The following SPAG16 variants were observed in gnomAD, a reference collection of about 807,000 sequenced individuals.
The protein encoded by SPAG16 is sperm-associated antigen 16 protein.
In SPAG16, 86 loss-of-function variants were observed where a neutral mutation model predicts 80.4. That is an observed-to-expected ratio of 1.07 (90% CI 0.90 to 1.28). SPAG16 has a LOEUF of 1.28. Among genes scored for constraint, SPAG16 ranks in the 50% most tolerant of loss-of-function variants. The pLI, the probability that SPAG16 is intolerant of heterozygous loss-of-function variation, is 0.00. For missense variants in SPAG16, 870 were observed against 765.3 expected (o/e 1.14, Z -1.61); for synonymous variants, 294 against 265.9 (o/e 1.11, Z -1.03).
intron 6 of SPAG16, among the ~76,000 whole-genome samples, chr2:213,349,520 C>G (rs1288880406): frequency 6.6e-6 from 1 of 152,068 alleles, no homozygotes; most frequent in East Asian, 1.9e-4. Context: ...AATTATAACC[C>G]AGCAATTAAA....
chr2:214,029,856 C>A (rs921421096), intron 13 of SPAG16, among the ~76,000 whole-genome samples: 27 of 152,106 alleles, frequency 1.8e-4, no homozygotes, highest in African/African-American at 6.5e-4. Context: ...TGGAATTGCA[C>A]TTGTTTAATG....
chr2:213,671,224 A>G (rs1218399478), intron 10 of SPAG16, among the ~76,000 whole-genome samples: 1 of 152,234 alleles, frequency 6.6e-6, no homozygotes, highest in Non-Finnish European at 1.5e-5. Flanking sequence ...AATAAAATTT[A>G]TAAATAAGTC....
At chr2:213,420,218 GA>G (rs1304303383) in intron 9 of SPAG16, among the ~76,000 whole-genome samples, 1 of 152,122 alleles carries the variant, frequency 6.6e-6, no homozygotes, top group Non-Finnish European at 1.5e-5. Flanking sequence ...TCTTCACGGA[GA>G]ATAAACCCTG....
chr2:213,812,946 G>T (rs2072271739), intron 10 of SPAG16, among the ~76,000 whole-genome samples: 1 of 152,034 alleles, frequency 6.6e-6, no homozygotes, highest in Admixed American at 6.6e-5. Flanking sequence ...ATTTTTAAAA[G>T]ATTAAGAAAC....
At chr2:214,309,648 G>A (rs1460626204) in intron 15 of SPAG16, among the ~76,000 whole-genome samples, 1 of 152,004 alleles carries the variant, frequency 6.6e-6, no homozygotes, top group Non-Finnish European at 1.5e-5. Flanking sequence ...TTCATTTCTG[G>A]GAGATTTTAG....
intron 13 of SPAG16, among the ~76,000 whole-genome samples, chr2:214,017,986 G>A (rs1164324535): frequency 6.6e-6 from 1 of 151,844 alleles, no homozygotes; most frequent in African/African-American, 2.4e-5. Flanking sequence ...TAGAAATAAA[G>A]TTCATTTAAT....
chr2:214,305,636 T>C (rs976758501), intron 15 of SPAG16, among the ~76,000 whole-genome samples: 14 of 152,206 alleles, frequency 9.2e-5, no homozygotes, highest in Non-Finnish European at 1.0e-4. Context: ...GGAAACCTTT[T>C]CCTTATTGCT....
intron 13 of SPAG16, among the ~76,000 whole-genome samples, chr2:214,065,587 A>T (rs573343104): frequency 6.6e-5 from 10 of 152,312 alleles, no homozygotes; most frequent in African/African-American, 2.4e-4. Flanking sequence ...CATTTAGAAA[A>T]ACTACAAATA....
chr2:213,786,460 A>G (rs1481659499), intron 10 of SPAG16, among the ~76,000 whole-genome samples: 1 of 152,238 alleles, frequency 6.6e-6, no homozygotes, highest in Non-Finnish European at 1.5e-5. Flanking sequence ...AATGGATTTT[A>G]GCTAGCCATA....
intron 10 of SPAG16, among the ~76,000 whole-genome samples, chr2:213,636,453 A>G (rs1033636544): frequency 5.3e-5 from 8 of 152,060 alleles, no homozygotes; most frequent in African/African-American, 1.9e-4. Flanking sequence ...TTTTGGTTCC[A>G]TGTGAATTTT....
intron 14 of SPAG16, among the ~76,000 whole-genome samples, chr2:214,123,837 G>A (rs1219387643): frequency 6.6e-6 from 1 of 152,006 alleles, no homozygotes; most frequent in Admixed American, 6.6e-5. Flanking sequence ...TGGTCCCGTG[G>A]AGGAATAGCA....
At chr2:213,678,485 A>G (rs1181412446) in intron 10 of SPAG16, among the ~76,000 whole-genome samples, 16 of 152,212 alleles carry the variant, frequency 1.1e-4, no homozygotes, top group Non-Finnish European at 2.4e-4. Flanking sequence ...AGAATACTAC[A>G]AACACCTCTA....
intron 10 of SPAG16, among the ~76,000 whole-genome samples, chr2:213,509,919 GCAAGACTAATAAAGAAGAAA>G (rs1463730166): frequency 1.3e-5 from 2 of 152,146 alleles, no homozygotes; most frequent in Non-Finnish European, 2.9e-5. Flanking sequence ...TAGACTGCTA[GCAAGACTAATAAAGAAGAAA>G]AGAGAGAAGA....
chr2:213,304,300 C>T (rs191814407), intron 3 of SPAG16, among the ~76,000 whole-genome samples: 66 of 152,180 alleles, frequency 4.3e-4, no homozygotes, highest in Non-Finnish European at 2.9e-5. Flanking sequence ...GGATAGTTTG[C>T]ATATATTTTC....
intron 10 of SPAG16, among the ~76,000 whole-genome samples, chr2:213,754,555 CAT>C (rs1240667439): frequency 2.9e-4 from 44 of 152,210 alleles, no homozygotes; most frequent in African/African-American, 5.5e-4. Flanking sequence ...AATGCAGAAA[CAT>C]ATTAAACATA....
rs574197285 is a variant in SPAG16, at chr2:213,995,972, C to T, written c.1401-17979C>T. Among the ~76,000 whole-genome samples, 16 of 152,264 alleles carry T rather than the reference C, an allele frequency of 1.1e-4. No homozygotes were observed. In the South Asian group the frequency reaches 3.3e-3, roughly 32 times the overall value. ...ATCTACCTCACTCTTTCTCCTTGTC[C>T]TTGAAAGCTTCCCTAAAGCCTTCTC... On this transcript the variant is annotated intron_variant, in intron 12 of 15. Transcript: ENST00000331683.
chr2:213,706,186 TCTCA>T (rs2065744576), intron 10 of SPAG16, among the ~76,000 whole-genome samples: 1 of 152,304 alleles, frequency 6.6e-6, no homozygotes, highest in African/African-American at 2.4e-5. Context: ...CACTACGTGT[TCTCA>T]CTACCAGGGC....
intron 15 of SPAG16, among the ~76,000 whole-genome samples, chr2:214,333,119 C>T (rs1697041099): frequency 6.6e-6 from 1 of 152,122 alleles, no homozygotes. Flanking sequence ...CATGATGTTG[C>T]AAAATCTTTC....
chr2:213,295,480 T>G (rs1021922065), intron 1 of SPAG16, among the ~76,000 whole-genome samples: 1 of 152,128 alleles, frequency 6.6e-6, no homozygotes, highest in Admixed American at 6.5e-5. Flanking sequence ...TTAAGTTATC[T>G]TTCCTATAAA....
Sources: gnomAD v4.1 joint callset for allele counts (sites outside exome capture counted in the v4.1 genomes callset) on GRCh38, gnomAD v4.1.1 for gene constraint, MANE v1.5 for transcripts, NCBI Gene and HGNC (gene_info 2026-07-23, HGNC 2026-07-21) for gene names.